The following SPON2 variants were observed in gnomAD, a reference collection of about 807,000 sequenced individuals.
SPON2 encodes spondin-2.
SPON2 carries 32 observed loss-of-function variants against 29.9 expected under a neutral mutation model. The ratio of observed to expected loss-of-function variants is 1.07; its 90% confidence interval spans 0.81 to 1.44. The LOEUF is 1.44. Ranked by LOEUF, SPON2 falls within the 40% of genes most tolerant of loss-of-function variation. The probability of loss-of-function intolerance (pLI) is 0.00; values close to 1 mark genes in which losing one functional copy is unlikely to be tolerated. For synonymous variants in SPON2, 248 were observed against 209.1 expected (o/e 1.19, Z -1.61); for missense variants, 541 against 455.5 (o/e 1.19, Z -1.71).
upstream of SPON2, chr4:1,195,178 T>A (rs1463003170): frequency 6.6e-6 from 1 of 152,238 alleles, no homozygotes; most frequent in Non-Finnish European, 1.5e-5. Context: ...CTCCTCCTCC[T>A]GGGCTCTGCC....
intron 1 of SPON2, among the ~76,000 whole-genome samples, chr4:1,192,625 G>A (rs1288562845): frequency 7.2e-5 from 11 of 152,150 alleles, no homozygotes; most frequent in Admixed American, 6.5e-4. Context: ...GGAGCTGCCC[G>A]GGGCAAACAA....
chr4:1,200,344 G>T (rs1447834041), intron 1 of SPON2, among the ~76,000 whole-genome samples: 1 of 152,176 alleles, frequency 6.6e-6, no homozygotes, highest in African/African-American at 2.4e-5. Context: ...ACCCAGAGAA[G>T]CTTCAGGGGT....
chr4:1,200,784 G>A (rs1444036814), intron 1 of SPON2: 1 of 456,496 alleles, frequency 2.2e-6, no homozygotes, highest in Non-Finnish European at 4.4e-6. Context: ...CACCCCTCTG[G>A]TCCCTGCCTT....
intron 1 of SPON2, among the ~76,000 whole-genome samples, chr4:1,186,136 C>T (rs894158967): frequency 1.3e-5 from 2 of 148,852 alleles, no homozygotes; most frequent in Non-Finnish European, 3.0e-5. Flanking sequence ...CCCAGCTACT[C>T]AGGAGGCTGA....
At chr4:1,198,838 A>T (rs965325660), upstream of SPON2, among the ~76,000 whole-genome samples, 6 of 152,190 alleles carry the variant, frequency 3.9e-5, no homozygotes, top group African/African-American at 1.2e-4. Flanking sequence ...GAATAAAAGC[A>T]CTATTTCTAG....
At chr4:1,180,535 T>A (rs114051606) in intron 1 of SPON2, among the ~76,000 whole-genome samples, 1,749 of 152,330 alleles carry the variant, frequency 0.011, 10 homozygotes, top group Non-Finnish European at 0.017. Flanking sequence ...CGATAGAGAC[T>A]GTCATTGAGG....
chr4:1,185,992 C>A (rs941124666), intron 1 of SPON2, among the ~76,000 whole-genome samples: 1 of 151,632 alleles, frequency 6.6e-6, no homozygotes, highest in Non-Finnish European at 1.5e-5. Flanking sequence ...CGCCTGTAAT[C>A]CCAGCACTTT....
chr4:1,182,577 A>G (rs1727717347), intron 1 of SPON2, among the ~76,000 whole-genome samples: 1 of 152,228 alleles, frequency 6.6e-6, no homozygotes, highest in Admixed American at 6.5e-5. Context: ...AGAAAAATGA[A>G]CAAAGCCTAA....
Position 1,189,992 on chromosome 4 carries a change from A to T in SPON2, c.-239+4998T>A, listed in dbSNP as rs866255390. Among the ~76,000 whole-genome samples, 243 of 42,728 alleles carry T rather than the reference A, an allele frequency of 5.7e-3. 1 individual carries two copies. Among genetic ancestry groups the T allele is most frequent in the Middle Eastern group, 0.039 (3 of 76 alleles). The allele number at this position is 42,728 out of a possible 152,430, so 28.0% of individuals were successfully genotyped here. ...GTGACAGAGTGAGACTCCATCTCAAAAAAAAAAAAAAAAAAGTTGGTTTTT... is the reference window on the plus strand; with the variant it reads ...GTGACAGAGTGAGACTCCATCTCAATAAAAAAAAAAAAAAAGTTGGTTTTT... On this transcript the variant is annotated intron_variant, in intron 1 of 3. Transcript: ENST00000502483.
Position 1,182,314 on chromosome 4 carries a change from G to A in SPON2, c.-238-2773C>T, listed in dbSNP as rs567363486. Among the ~76,000 whole-genome samples the A allele has an allele frequency of 1.3e-5, 2 of 152,082 alleles. 1 individual carries two copies. Among genetic ancestry groups the A allele is most frequent in the Admixed American group, 1.3e-4 (2 of 15,274 alleles). Reference sequence around the variant, plus strand: ...ACTTTAAAACAACTGTCTTAAAGATGCTCAAAGGACTAAAGGAAGTGTCAA... The same window carrying A: ...ACTTTAAAACAACTGTCTTAAAGATACTCAAAGGACTAAAGGAAGTGTCAA... On this transcript the variant is annotated intron_variant, in intron 1 of 3. Transcript: ENST00000502483.
At chr4:1,200,335 C>G (rs1002076926) in intron 1 of SPON2, among the ~76,000 whole-genome samples, 3 of 152,142 alleles carry the variant, frequency 2.0e-5, no homozygotes, top group Non-Finnish European at 2.9e-5. Context: ...GAGTCCAGGA[C>G]CCAGAGAAGC....
At chr4:1,187,116 A>G (rs1338650839) in intron 1 of SPON2, among the ~76,000 whole-genome samples, 1 of 152,240 alleles carries the variant, frequency 6.6e-6, no homozygotes, top group Non-Finnish European at 1.5e-5. Flanking sequence ...CTAAAATGCA[A>G]AATCAGTTCA....
At chr4:1,174,518 C>G (rs562540967), upstream of SPON2, among the ~76,000 whole-genome samples, 139 of 135,524 alleles carry the variant, frequency 1.0e-3, no homozygotes, top group Non-Finnish European at 1.9e-3. Context: ...AAACAAAAAA[C>G]AAAAACAAAA....
At chr4:1,171,645 C>T (rs1413923263) in intron 2 of SPON2, 159 bp from the exon 3 acceptor site, 18 of 824,306 alleles carry the variant, frequency 2.2e-5, no homozygotes, top group Non-Finnish European at 3.4e-5. Flanking sequence ...CCTGCCGCGA[C>T]CCACCTGCGC....
At chr4:1,185,592 C>T (rs1727777083) in intron 1 of SPON2, among the ~76,000 whole-genome samples, 1 of 150,262 alleles carries the variant, frequency 6.7e-6, no homozygotes, top group African/African-American at 2.4e-5. Flanking sequence ...CCTGTAATCC[C>T]AGCCACTTGG....
rs1032987474 is a variant in SPON2 at position 1,171,253 on chromosome 4, C to T, written c.444+10G>A. The T allele has an allele frequency of 6.8e-7, 1 of 1,475,352 alleles. No homozygotes were observed. Among genetic ancestry groups the T allele is most frequent in the Non-Finnish European group, 8.9e-7 (1 of 1,121,332 alleles). 91.4% of individuals were successfully genotyped at this position (1,475,352 alleles called of 1,614,324 possible). Reference sequence around the variant, plus strand: ...CCCCGGACCCCGCCCCCGGCCGGCCCCGCGCTCACCAGCGAGTGCCTGCGC... The same window carrying T: ...CCCCGGACCCCGCCCCCGGCCGGCCTCGCGCTCACCAGCGAGTGCCTGCGC... On this transcript the variant is annotated intron_variant, in intron 3 of 5. Transcript: ENST00000290902.
chr4:1,186,675 A>G (rs772849101), intron 1 of SPON2, among the ~76,000 whole-genome samples: 4 of 152,184 alleles, frequency 2.6e-5, no homozygotes, highest in Non-Finnish European at 5.9e-5. Context: ...AGAACTCCTA[A>G]AACTCTAAGA....
At chr4:1,192,014 A>G (rs4974645) in intron 1 of SPON2, among the ~76,000 whole-genome samples, 145,817 of 152,308 alleles carry the variant, frequency 0.96, 70,119 homozygotes, top group East Asian at 1. Flanking sequence ...ACTCAGCCCC[A>G]TGAGGATGTG....
At chr4:1,198,971 A>G (rs1728134866), upstream of SPON2, 1 of 152,110 alleles carries the variant, frequency 6.6e-6, no homozygotes, top group African/African-American at 2.4e-5. Context: ...ATAATTGTCC[A>G]GCATTTTCTC....
Sources: gnomAD v4.1 joint callset for allele counts (sites outside exome capture counted in the v4.1 genomes callset) on GRCh38, gnomAD v4.1.1 for gene constraint, MANE v1.5 for transcripts, NCBI Gene and HGNC (gene_info 2026-07-23, HGNC 2026-07-21) for gene names.